COL4A1: variants seen among roughly 807,000 people sequenced by gnomAD.
The protein encoded by COL4A1 is collagen alpha-1(IV) chain.
Under a neutral mutation model 216.6 loss-of-function variants are expected in COL4A1, and 40 were observed. That is an observed-to-expected ratio of 0.18 (90% CI 0.14 to 0.24). COL4A1 has a LOEUF of 0.24. Among genes scored for constraint, COL4A1 ranks in the 10% least tolerant of loss-of-function variants. The probability of loss-of-function intolerance (pLI) is 1.00; values close to 1 mark genes in which losing one functional copy is unlikely to be tolerated. For missense variants in COL4A1, 1,628 were observed against 2,196.8 expected, an observed-to-expected ratio of 0.74 and a Z score of 5.18; for synonymous variants, 839 against 810.7, an observed-to-expected ratio of 1.03 and a Z score of -0.59.
At chr13:110,226,769 TAC>T (rs750141220) in intron 2 of COL4A1, among the ~76,000 whole-genome samples, 1 of 152,236 alleles carries the variant, frequency 6.6e-6, no homozygotes, top group Non-Finnish European at 1.5e-5. Context: ...TTAAAACATA[TAC>T]AGTCACCCAA....
At chr13:110,157,492 G>A (rs1223614669) in intron 49 of COL4A1, among the ~76,000 whole-genome samples, 10 of 152,348 alleles carry the variant, frequency 6.6e-5, no homozygotes, top group African/African-American at 2.4e-4. Flanking sequence ...AGTAACCGTG[G>A]AAACCTGCTT....
intron 1 of COL4A1, among the ~76,000 whole-genome samples, chr13:110,261,776 C>G (rs1882837955): frequency 6.6e-6 from 1 of 152,206 alleles, no homozygotes; most frequent in African/African-American, 2.4e-5. Context: ...GACATTGTCT[C>G]CTAAGGACAC....
intron 28 of COL4A1, among the ~76,000 whole-genome samples, chr13:110,182,437 G>C (rs1030225439): frequency 1.3e-5 from 2 of 152,210 alleles, no homozygotes; most frequent in African/African-American, 2.4e-5. Flanking sequence ...CCTCAGTCCT[G>C]AACAGAAGGT....
rs778541155 is a variant in COL4A1 at position 110,209,415 on chromosome 13, G to A, written c.628C>T (p.Pro210Ser). The change falls in exon 11 of 52, where the codon CCT (proline) becomes TCT (serine). Residue 210 changes from proline to serine, a missense_variant. Transcript: ENST00000375820. ...GFTGPPGPPG[P>S]PGPPGEKGQM... is the part of the protein sequence containing the mutation. Reference sequence around the variant, plus strand: ...ACCTTTTCACCTGGAGGGCCGGGAGGGCCTGGGGGACCCTGGGAGAGACAG... The same window carrying A: ...ACCTTTTCACCTGGAGGGCCGGGAGAGCCTGGGGGACCCTGGGAGAGACAG... 1.3e-5 allele frequency: 21 copies of A among 1,608,914 alleles called. No individual in the cohort carries two copies. The Admixed American group carries it at 3.6e-4, about 27-fold the overall frequency.
Position 110,164,954 on chromosome 13 carries a change from T to C in COL4A1, c.4058A>G (p.Asp1353Gly), listed in dbSNP as rs138553193. ...PGPPGPPGPY[D>G]IIKGEPGLPG... Reference sequence around the variant, plus strand: ...GAGCCCGGGCTCCCCTTTGATGATGTCGTAAGGACCTGGGGGGCCAGGAGG... The same window carrying C: ...GAGCCCGGGCTCCCCTTTGATGATGCCGTAAGGACCTGGGGGGCCAGGAGG... The change falls in exon 46 of 52, where the codon GAC becomes GGC. Residue 1353 changes from aspartate to glycine, a missense_variant. Asp to Gly is a moderately conservative substitution (Grantham distance 94). Coordinates refer to ENST00000375820, the MANE Select transcript of COL4A1 (RefSeq NM_001845.6). The C allele has an allele frequency of 5.5e-5, 89 of 1,604,674 alleles. 1 individual carries two copies. Among genetic ancestry groups the C allele is most frequent in the Middle Eastern group, 1.7e-4 (1 of 6,038 alleles).
At chr13:110,180,449 G>T (rs189059309) in intron 29 of COL4A1, among the ~76,000 whole-genome samples, 3 of 152,172 alleles carry the variant, frequency 2.0e-5, no homozygotes, top group African/African-American at 7.2e-5. Flanking sequence ...CCAGAGGCAC[G>T]GCCCCTGTGG....
rs77635860 is a variant in COL4A1, at chr13:110,237,069, T to C, written c.144+5606A>G. On this transcript the variant is annotated intron_variant, in intron 2 of 51. Transcript: ENST00000375820. ...CCCCAGAGGAGTAGGCTCATTTCTT[T>C]GTGGTCCTCCAGCAGTCCTCCCCGT... Among the ~76,000 whole-genome samples the C allele has an allele frequency of 7.2e-3, 1,098 of 152,208 alleles. 20 individuals are homozygous for C. The highest frequency in any genetic ancestry group is 0.026 in the African/African-American group (1,065 of 41,546).
At chr13:110,224,553 C>T (rs985061605) in intron 2 of COL4A1, among the ~76,000 whole-genome samples, 1 of 152,194 alleles carries the variant, frequency 6.6e-6, no homozygotes, top group African/African-American at 2.4e-5. Context: ...GAACTCCTGA[C>T]CTCAGGTAAT....
chr13:110,167,090 G>A, intron 44 of COL4A1, 68 bp downstream of exon 44: 2 of 1,316,736 alleles, frequency 1.5e-6, no homozygotes, highest in East Asian at 2.3e-5. Context: ...AGGTGCCCGA[G>A]GTTAGCAAGC....
In COL4A1 at chr13:110,207,102, C is replaced by T. The variant is rs558665899; in HGVS notation, c.781-211G>A. On this transcript the variant is annotated intron_variant, in intron 13 of 51. Transcript: ENST00000375820. This position sits in a 1 kb window ranked among gnomAD's most constrained non-coding sequence, Gnocchi z 4.4. ...GCTTGACCCATGATGACTGGCCCTG[C>T]CCCCCTCCTGCCCCCCAGCCCAGCT... Among the ~76,000 whole-genome samples the T allele has an allele frequency of 2.0e-5, 3 of 151,914 alleles. No homozygotes were observed. Among genetic ancestry groups the T allele is most frequent in the African/African-American group, 7.2e-5 (3 of 41,428 alleles).
At chr13:110,179,105 G>A in intron 30 of COL4A1, 69 bp from the exon 31 acceptor site, 2 of 1,525,876 alleles carry the variant, frequency 1.3e-6, no homozygotes, top group East Asian at 2.3e-5. Context: ...GGAGACCCAT[G>A]CACACGAATG....
chr13:110,246,048 TA>T, intron 1 of COL4A1, among the ~76,000 whole-genome samples: 1 of 152,054 alleles, frequency 6.6e-6, no homozygotes, highest in East Asian at 1.9e-4. Context: ...CAAAAATATC[TA>T]AATTAGGGTT....
At chr13:110,167,294 C>CTAG (rs1877390480) in intron 43 of COL4A1, 64 bp from the exon 44 acceptor site, 1 of 1,253,942 alleles carries the variant, frequency 8.0e-7, no homozygotes, top group Non-Finnish European at 1.2e-6. Flanking sequence ...CTCCAGTAAC[C>CTAG]TGCTAGTTGG....
In COL4A1 at chr13:110,150,413, C is replaced by T; in HGVS notation, c.4960G>A (p.Glu1654Lys). 6.2e-7 allele frequency: 1 copy of T among 1,614,084 alleles called. No homozygotes were observed. The highest frequency in any genetic ancestry group is 8.5e-7 in the Non-Finnish European group (1 of 1,180,012). ...CAGCGGCTGACGTGCGTGCGCAGCT[C>T]CCCTGCCTTCAAGGTGGACGGCGTA... The part of the protein sequence containing the change: ...KPTPSTLKAG[E>K]LRTHVSRCQV... Residue 1654 changes from glutamate to lysine, a missense_variant, in exon 52 of 52, where the codon GAG becomes AAG. Coordinates refer to ENST00000375820, the MANE Select transcript of COL4A1 (RefSeq NM_001845.6).
chr13:110,247,746 A>C (rs1027404777), intron 1 of COL4A1, among the ~76,000 whole-genome samples: 5 of 145,782 alleles, frequency 3.4e-5, no homozygotes, highest in African/African-American at 1.3e-4. Context: ...TGTTTACAGA[A>C]TGCCTTTTTA....
At chr13:110,283,594 T>G (rs2139302872) in intron 1 of COL4A1, among the ~76,000 whole-genome samples, 1 of 152,304 alleles carries the variant, frequency 6.6e-6, no homozygotes, top group South Asian at 2.1e-4. Context: ...ATACACTCCC[T>G]CACATACAGG....
chr13:110,257,441 C>T (rs1457494666), intron 1 of COL4A1, among the ~76,000 whole-genome samples: 1 of 152,170 alleles, frequency 6.6e-6, no homozygotes. Context: ...CTCTGCAAAC[C>T]GTAAGTGCTA....
chr13:110,271,830 A>G (rs479871), intron 1 of COL4A1, among the ~76,000 whole-genome samples: 150,085 of 152,316 alleles, frequency 0.99, 73,968 homozygotes, highest in Middle Eastern at 1. Flanking sequence ...TTTGTAAGAC[A>G]TTAACATTTG....
At chr13:110,233,455 G>C (rs978792565) in intron 2 of COL4A1, among the ~76,000 whole-genome samples, 2 of 152,124 alleles carry the variant, frequency 1.3e-5, no homozygotes, top group Admixed American at 6.5e-5. Context: ...CAGATACTTT[G>C]GGGGGTGGAA....
Sources: allele counts gnomAD v4.1 joint callset (sites outside exome capture counted in the v4.1 genomes callset), GRCh38; gene constraint gnomAD v4.1.1; non-coding constraint Gnocchi (gnomAD v3.1); transcripts MANE v1.5; gene names NCBI Gene and HGNC (gene_info 2026-07-23, HGNC 2026-07-21).